The following CACNA1C variants were observed in gnomAD, a reference collection of about 807,000 sequenced individuals.
CACNA1C encodes calcium voltage-gated channel subunit alpha1 C.
In CACNA1C, 30 loss-of-function variants were observed where a neutral mutation model predicts 229.0. The observed-to-expected ratio is 0.13, with a 90% CI of 0.10 to 0.18. CACNA1C has a LOEUF of 0.18. Among genes scored for constraint, CACNA1C ranks in the 10% least tolerant of loss-of-function variants. CACNA1C has a pLI of 1.00. For missense variants in CACNA1C, 1,658 were observed against 2,845.0 expected, an observed-to-expected ratio of 0.58 and a Z score of 9.49; for synonymous variants, 1,114 against 1,132.5, an observed-to-expected ratio of 0.98 and a Z score of 0.33.
intron 3 of CACNA1C, among the ~76,000 whole-genome samples, chr12:2,311,645 G>A (rs1355311013): frequency 6.6e-6 from 1 of 152,236 alleles, no homozygotes; most frequent in East Asian, 1.9e-4. Flanking sequence ...CGATATGTCA[G>A]ACGTCAGAGG....
chr12:2,296,742 GTTGGT>G (rs2094081955), intron 3 of CACNA1C, among the ~76,000 whole-genome samples: 2 of 152,202 alleles, frequency 1.3e-5, no homozygotes, highest in South Asian at 4.1e-4. Context: ...AAATTCCCCC[GTTGGT>G]CTGTGGTCTA....
intron 2 of CACNA1C, among the ~76,000 whole-genome samples, 168 bp from the exon 3 acceptor site, chr12:2,120,157 T>C (rs150984615): frequency 6.6e-6 from 1 of 152,354 alleles, no homozygotes; most frequent in East Asian, 1.9e-4. Context: ...GGGGACCCAC[T>C]AGAAGCACTT....
rs2098790719 is a variant in CACNA1C, at chr12:2,410,147, C to T, written c.478-38829C>T. On this transcript the variant is annotated intron_variant, in intron 3 of 46. Transcript: ENST00000399655. The surrounding 1 kb of genome is among the most constrained non-coding windows in gnomAD (Gnocchi z 5.3). The stretch of plus-strand genomic sequence containing the variant: ...GTCAGCCTTGGATGGTGGGCTCATG[C>T]ATTCTGTTCCCACTCCAATCTGCCA... Among the ~76,000 whole-genome samples, 1 of 152,238 alleles carries T rather than the reference C, an allele frequency of 6.6e-6. No homozygotes were observed. Among genetic ancestry groups the T allele is most frequent in the African/African-American group, 2.4e-5 (1 of 41,452 alleles).
intron 3 of CACNA1C, among the ~76,000 whole-genome samples, chr12:2,367,207 C>G (rs2097748101): frequency 6.6e-6 from 1 of 152,200 alleles, no homozygotes; most frequent in Admixed American, 6.5e-5. Context: ...AGCATGCAAC[C>G]TAGATCTCTC....
rs147638240 is a variant in CACNA1C, at chr12:2,493,980, G to C, written c.1113+594G>C. Among the ~76,000 whole-genome samples the C allele has an allele frequency of 0.019, 2,918 of 151,786 alleles. 82 individuals are homozygous for C. Among genetic ancestry groups the C allele is most frequent in the African/African-American group, 0.063 (2,607 of 41,392 alleles). ...TTTACTATTCCCCAAACATGCTGCT[G>C]GTCATGTGATGCCTATTTAGAAATA... On this transcript the variant is annotated intron_variant, in intron 7 of 46. Coordinates refer to ENST00000399655, the MANE Select transcript of CACNA1C (RefSeq NM_000719.7). The surrounding 1 kb of genome is among the most constrained non-coding windows in gnomAD (Gnocchi z 4.6).
chr12:2,017,841 G>A (rs2045654544), intron 1 of CACNA1C, among the ~76,000 whole-genome samples: 1 of 152,172 alleles, frequency 6.6e-6, no homozygotes, highest in Non-Finnish European at 1.5e-5. Flanking sequence ...GGAGACAGAA[G>A]AGGCAAGAAG....
chr12:1,998,089 C>T, intron 1 of CACNA1C: 1 of 805,798 alleles, frequency 1.2e-6, no homozygotes, highest in Non-Finnish European at 1.9e-6. Flanking sequence ...GCCAAATATA[C>T]CCAACATGAG....
chr12:2,450,367 A>G (rs1199718142), intron 4 of CACNA1C, among the ~76,000 whole-genome samples: 21 of 151,040 alleles, frequency 1.4e-4, no homozygotes, highest in Admixed American at 6.6e-5. Context: ...ATCCTGGCTA[A>G]CACGGTGAAA....
At chr12:2,382,251 A>G (rs2098268105) in intron 3 of CACNA1C, among the ~76,000 whole-genome samples, 1 of 152,246 alleles carries the variant, frequency 6.6e-6, no homozygotes, top group South Asian at 2.1e-4. Context: ...TTATCACGTT[A>G]AGATGGTTGC....
Position 2,054,678 on chromosome 12 carries a change from C to T in CACNA1C, c.49+1067C>T, listed in dbSNP as rs1419148117. On this transcript the variant is annotated intron_variant, in intron 1 of 46. Transcript: ENST00000399655. The surrounding 1 kb of genome is among the most constrained non-coding windows in gnomAD (Gnocchi z 5.5). Reference sequence around the variant, plus strand: ...TGGTCCAGCGGGGCTTTCTGGCAACCTCCAGGCATGACATCTCTTTCTTCT... The same window carrying T: ...TGGTCCAGCGGGGCTTTCTGGCAACTTCCAGGCATGACATCTCTTTCTTCT... Among the ~76,000 whole-genome samples, 1 of 152,170 alleles carries T rather than the reference C, an allele frequency of 6.6e-6. No individual in the cohort carries two copies. Among genetic ancestry groups the T allele is most frequent in the African/African-American group, 2.4e-5 (1 of 41,420 alleles).
At chr12:2,438,825 G>A (rs748146991) in intron 3 of CACNA1C, among the ~76,000 whole-genome samples, 2 of 152,100 alleles carry the variant, frequency 1.3e-5, no homozygotes, top group African/African-American at 2.4e-5. Context: ...AGGCCATGGG[G>A]TGAGGCAGAA....
intron 3 of CACNA1C, among the ~76,000 whole-genome samples, chr12:2,263,468 T>TGGA (rs1349433796): frequency 6.6e-6 from 1 of 151,668 alleles, no homozygotes; most frequent in Non-Finnish European, 1.5e-5. Flanking sequence ...GTGAAGCTAG[T>TGGA]GGAGGCTTTT....
At position 2,679,561 on chromosome 12, in the gene CACNA1C, C is replaced by T; in HGVS notation, c.5209C>T (p.Gln1737Ter). Reference sequence around the variant, plus strand: ...GCACATCAACAAGGCGGGCAGCAGCCAGGGCGACACTGAGTCGCCATCCCA... The same window carrying T: ...GCACATCAACAAGGCGGGCAGCAGCTAGGGCGACACTGAGTCGCCATCCCA... Reference protein sequence around the residue: ...PLHINKAGSSQGDTESPSHEK... With the variant: ...PLHINKAGSS The change falls in exon 42 of 47, where the codon CAG (glutamine) becomes TAG (stop). Residue 1737 changes from glutamine to a stop codon, truncating the protein, a stop_gained. Coordinates refer to ENST00000399655, the MANE Select transcript of CACNA1C (RefSeq NM_000719.7). LOFTEE classifies it high-confidence loss of function. This position sits in a 1 kb window ranked among gnomAD's most constrained non-coding sequence, Gnocchi z 5.5. 1 of 1,613,592 alleles carries T rather than the reference C, an allele frequency of 6.2e-7. No homozygotes were observed.
chr12:2,325,368 T>G (rs904241890), intron 3 of CACNA1C, among the ~76,000 whole-genome samples: 11 of 152,226 alleles, frequency 7.2e-5, no homozygotes, highest in African/African-American at 2.7e-4. Flanking sequence ...GAGCACCTTG[T>G]TTTCACAGAG....
chr12:2,425,928 C>G (rs2239071), intron 3 of CACNA1C, among the ~76,000 whole-genome samples: 57,356 of 151,918 alleles, frequency 0.38, 11,129 homozygotes, highest in East Asian at 0.57. Flanking sequence ...AGGGGTCTTC[C>G]TTGCTTTGGT....
intron 9 of CACNA1C, among the ~76,000 whole-genome samples, chr12:2,533,782 G>A (rs1001031435): frequency 2.0e-5 from 3 of 152,270 alleles, no homozygotes; most frequent in Non-Finnish European, 2.9e-5. Flanking sequence ...GAAGGCCTGC[G>A]TCCCTGTCCC....
intron 3 of CACNA1C, among the ~76,000 whole-genome samples, chr12:2,194,889 G>T (rs2097355612): frequency 6.6e-6 from 1 of 152,180 alleles, no homozygotes; most frequent in South Asian, 2.1e-4. Flanking sequence ...TTGAAAATAG[G>T]AATGTTTTCT....
intron 8 of CACNA1C, among the ~76,000 whole-genome samples, chr12:2,507,855 C>T (rs1486903431): frequency 6.6e-6 from 1 of 152,222 alleles, no homozygotes; most frequent in African/African-American, 2.4e-5. Flanking sequence ...CTGTGGTGTA[C>T]TCTCCCCAAA....
chr12:2,310,892 G>T (rs1346314023), intron 3 of CACNA1C, among the ~76,000 whole-genome samples: 1 of 152,218 alleles, frequency 6.6e-6, no homozygotes. Flanking sequence ...GGAGGGAGTT[G>T]AGGGGTAGAA....
Sources: gnomAD v4.1 joint callset for allele counts (sites outside exome capture counted in the v4.1 genomes callset) on GRCh38, gnomAD v4.1.1 for gene constraint, Gnocchi (gnomAD v3.1) non-coding constraint, MANE v1.5 for transcripts, NCBI Gene and HGNC (gene_info 2026-07-23, HGNC 2026-07-21) for gene names.